PCGF6: variants seen among roughly 807,000 people sequenced by gnomAD.
PCGF6 encodes polycomb group RING finger protein 6.
PCGF6 carries 24 observed loss-of-function variants against 45.5 expected under a neutral mutation model. The observed-to-expected ratio is 0.53, with a 90% CI of 0.38 to 0.74. The LOEUF is 0.74. PCGF6 is among the 30% of genes least tolerant of loss of function. The probability of loss-of-function intolerance (pLI) is 0.00; values close to 1 mark genes in which losing one functional copy is unlikely to be tolerated. For missense variants in PCGF6, 356 were observed against 443.2 expected (o/e 0.80, Z 1.77); for synonymous variants, 152 against 162.1 (o/e 0.94, Z 0.47).
chr10:103,329,446 C>T (rs73334819), intron 7 of PCGF6, among the ~76,000 whole-genome samples: 1,723 of 152,120 alleles, frequency 0.011, 28 homozygotes, highest in African/African-American at 0.039. Context: ...TAACCAGTAA[C>T]GGGCTTAAAC....
chr10:103,328,175 G>A (rs1162040248), intron 7 of PCGF6, among the ~76,000 whole-genome samples: 1 of 152,082 alleles, frequency 6.6e-6, no homozygotes, highest in East Asian at 1.9e-4. Flanking sequence ...GAAGTAATCA[G>A]AACTAAACAG....
intron 6 of PCGF6, among the ~76,000 whole-genome samples, chr10:103,336,228 C>T (rs1368212537): frequency 6.8e-6 from 1 of 146,880 alleles, no homozygotes; most frequent in African/African-American, 2.5e-5. Context: ...AGTGAGACTG[C>T]GTCTCCAAAA....
chr10:103,336,655 G>A (rs552779462), intron 6 of PCGF6, among the ~76,000 whole-genome samples: 14 of 152,166 alleles, frequency 9.2e-5, no homozygotes, highest in African/African-American at 1.9e-4. Context: ...TAGGTGGATC[G>A]CTTGAGGTCA....
chr10:103,334,050 T>C, intron 6 of PCGF6, 98 bp from the exon 7 acceptor site: 1 of 815,902 alleles, frequency 1.2e-6, no homozygotes, highest in Non-Finnish European at 1.8e-6. Context: ...CATCAATTCA[T>C]TGTAATTCTA....
At chr10:103,327,704 T>G (rs1353579514) in intron 7 of PCGF6, among the ~76,000 whole-genome samples, 1 of 151,894 alleles carries the variant, frequency 6.6e-6, no homozygotes, top group East Asian at 1.9e-4. Context: ...AGACAGAGTC[T>G]CACTCTGTCA....
rs533603756 is a variant in PCGF6 at position 103,303,463 on chromosome 10, G to T, written c.*442C>A. The T allele has an allele frequency of 6.4e-6, 1 of 156,118 alleles. No individual in the cohort carries two copies. Among genetic ancestry groups the T allele is most frequent in the South Asian group, 2.0e-4 (1 of 5,018 alleles). The allele number at this position is 156,118 out of a possible 1,614,324, so 9.7% of individuals were successfully genotyped here. The stretch of plus-strand genomic sequence containing the variant: ...TTGGTCTTTGAGAGTACACCCTGCA[G>T]TTTAACAAAGACTGGCTTTGAATCT... On this transcript the variant is annotated 3_prime_UTR_variant, in exon 10 of 10. Transcript: ENST00000369847.
At position 103,348,987 on chromosome 10, in the gene PCGF6, G is replaced by A. The variant is rs773998619; in HGVS notation, c.373C>T (p.Leu125Phe). ...AAGATGTATGGGGTCAGCTCAGAGA[G>A]ATTAATCAGGCGCTGCAAATAAACG... ...SEDEEERLINLSELTPYILCS... is the reference protein window; with the variant it reads ...SEDEEERLINFSELTPYILCS... Residue 125 changes from leucine (L) to phenylalanine (F), a missense_variant, in exon 2 of 10, where the codon CTC becomes TTC. Leu to Phe is a conservative substitution (Grantham distance 22). This residue lies in a region of PCGF6 where 307 missense variants were observed against 350.1 expected (regional missense o/e 0.88). Transcript: ENST00000369847. 40 of 1,611,242 alleles carry A rather than the reference G, an allele frequency of 2.5e-5. No individual in the cohort carries two copies. The highest frequency in any genetic ancestry group is 3.3e-5 in the Non-Finnish European group (39 of 1,178,944).
chr10:103,339,605 A>G (rs547544129), intron 6 of PCGF6, among the ~76,000 whole-genome samples: 5 of 151,072 alleles, frequency 3.3e-5, no homozygotes, highest in African/African-American at 9.7e-5. Flanking sequence ...CCTGGCCAAC[A>G]TGGTGAAACC....
chr10:103,345,342 A>G (rs548199772), intron 5 of PCGF6, among the ~76,000 whole-genome samples: 1 of 152,330 alleles, frequency 6.6e-6, no homozygotes, highest in South Asian at 2.1e-4. Flanking sequence ...GAAGGCAGAC[A>G]TGTGGCTGGC....
chr10:103,306,976 T>A (rs1044821063), intron 9 of PCGF6, among the ~76,000 whole-genome samples: 2 of 151,766 alleles, frequency 1.3e-5, no homozygotes, highest in African/African-American at 2.4e-5. Context: ...TGGTGGCACA[T>A]GTCTATATTT....
At chr10:103,347,542 G>T (rs1438162433) in intron 3 of PCGF6, 92 bp from the exon 4 acceptor site, 3 of 1,034,500 alleles carry the variant, frequency 2.9e-6, no homozygotes, top group African/African-American at 1.6e-5. Context: ...TTGAGAGTGG[G>T]TATCTTTTTT....
chr10:103,350,710 C>G lies in PCGF6; in HGVS notation c.357G>C (p.Glu119Asp). ...EGGRQDSEDEEERLINLSELT... is the reference protein window; with the variant it reads ...EGGRQDSEDEDERLINLSELT... Reference sequence around the variant, plus strand: ...GTCGCGCGGGGGCTCTAAATACCTCCTCCTCGTCCTCCGAGTCCTGCCGGC... The same window carrying G: ...GTCGCGCGGGGGCTCTAAATACCTCGTCCTCGTCCTCCGAGTCCTGCCGGC... Residue 119 changes from glutamate to aspartate, a missense_variant, in exon 1 of 10, where the codon GAG (glutamate) becomes GAC (aspartate). Physicochemically the swap from Glu to Asp is conservative, Grantham distance 45 (BLOSUM62 2). Around this residue, in one of 2 missense-constraint regions of PCGF6, gnomAD observed 307 missense variants for 350.1 expected, o/e 0.88. Transcript: ENST00000369847. 5 of 1,518,158 alleles carry G rather than the reference C, an allele frequency of 3.3e-6. No individual in the cohort carries two copies. The highest frequency in any genetic ancestry group is 1.4e-5 in the African/African-American group (1 of 71,274). The allele number at this position is 1,518,158 out of a possible 1,614,324, so 94.0% of individuals were successfully genotyped here. A position where few individuals can be genotyped will look rare whatever the true frequency, so the allele number is the denominator to read the frequency against.
intron 8 of PCGF6, among the ~76,000 whole-genome samples, chr10:103,318,059 G>A (rs1320753960): frequency 6.6e-6 from 1 of 151,338 alleles, no homozygotes; most frequent in Non-Finnish European, 1.5e-5. Context: ...ACCCAGCTGG[G>A]GTTGGTCAGT....
chr10:103,313,724 A>G (rs2093165228), intron 9 of PCGF6, among the ~76,000 whole-genome samples: 2 of 152,230 alleles, frequency 1.3e-5, no homozygotes, highest in Admixed American at 1.3e-4. Flanking sequence ...GGTTGGACAA[A>G]CTTGGCTCTA....
At chr10:103,306,731 A>G (rs536516832) in intron 9 of PCGF6, among the ~76,000 whole-genome samples, 3 of 152,362 alleles carry the variant, frequency 2.0e-5, no homozygotes, top group South Asian at 4.1e-4. Flanking sequence ...AAATGAATAC[A>G]TAAGTTAGGT....
intron 7 of PCGF6, among the ~76,000 whole-genome samples, chr10:103,327,632 A>T (rs546629631): frequency 6.6e-6 from 1 of 151,870 alleles, no homozygotes; most frequent in African/African-American, 2.4e-5. Context: ...CTACTTTTGT[A>T]TAAGTTTTAA....
intron 5 of PCGF6, among the ~76,000 whole-genome samples, chr10:103,346,548 C>T (rs1235293841): frequency 1.3e-5 from 2 of 152,052 alleles, no homozygotes; most frequent in Non-Finnish European, 2.9e-5. Flanking sequence ...CGCTTGAGCC[C>T]AGAAGGCGGA....
intron 7 of PCGF6, among the ~76,000 whole-genome samples, chr10:103,331,495 A>G (rs955955487): frequency 5.9e-5 from 9 of 152,118 alleles, no homozygotes; most frequent in African/African-American, 1.9e-4. Context: ...TGAACTCAGG[A>G]GATCCACCTG....
chr10:103,344,562 C>T (rs909178604), intron 6 of PCGF6, among the ~76,000 whole-genome samples: 10 of 151,670 alleles, frequency 6.6e-5, no homozygotes, highest in Non-Finnish European at 1.0e-4. Context: ...GCCACCATGC[C>T]CAGCCTTTTT....
Sources: gnomAD v4.1 joint callset for allele counts (sites outside exome capture counted in the v4.1 genomes callset) on GRCh38, gnomAD v4.1.1 for gene constraint, gnomAD v4.1.1 regional missense constraint, MANE v1.5 for transcripts, NCBI Gene and HGNC (gene_info 2026-07-23, HGNC 2026-07-21) for gene names.